The following ALG9 variants were observed in gnomAD, a reference collection of about 807,000 sequenced individuals.
ALG9 encodes the protein ALG9 alpha-1,2-mannosyltransferase.
Under a neutral mutation model 81.8 loss-of-function variants are expected in ALG9, and 55 were observed. The ratio of observed to expected loss-of-function variants is 0.67; its 90% CI spans 0.54 to 0.84. The LOEUF (loss-of-function observed/expected upper bound fraction) is 0.84, where lower values mean the gene tolerates loss of function less well. ALG9 is among the 40% of genes least tolerant of loss of function. The pLI is 0.00. For synonymous variants in ALG9, 278 were observed against 274.3 expected, an observed-to-expected ratio of 1.01 and a Z score of -0.13; for missense variants, 629 against 745.0, an observed-to-expected ratio of 0.84 and a Z score of 1.81.
At chr11:111,870,481 C>T in intron 1 of ALG9, 111 bp from the exon 2 acceptor site, 1 of 1,318,822 alleles carries the variant, frequency 7.6e-7, no homozygotes, top group Non-Finnish European at 1.0e-6. Context: ...GACATCAAAG[C>T]ACTTAAGTTA....
At position 111,840,864 on chromosome 11, in the gene ALG9, T is replaced by C. The variant is rs1341154404; in HGVS notation, c.1019-55A>G. The C allele has an allele frequency of 1.9e-6, 3 of 1,598,140 alleles. No homozygotes were observed. The African/African-American group carries it at 4.0e-5, about 21-fold the overall frequency. On this transcript the variant is annotated intron_variant, in intron 9 of 14. Transcript: ENST00000616540. ...CATTATATTAGAACAAAACAACATA[T>C]TTAGTTTTAGTGTTATCTTGATCTC...
intron 14 of ALG9, among the ~76,000 whole-genome samples, chr11:111,806,245 T>C (rs1462146083): frequency 1.3e-5 from 2 of 152,144 alleles, no homozygotes; most frequent in Non-Finnish European, 2.9e-5. Context: ...CCTATTTCCC[T>C]GCTTCCTTGT....
chr11:111,814,755 G>C (rs1462798663), intron 13 of ALG9: 1 of 152,180 alleles, frequency 6.6e-6, no homozygotes, highest in African/African-American at 2.4e-5. Flanking sequence ...ATTGACGTCA[G>C]ACCCAATTCC....
At chr11:111,816,883 T>A (rs1374464235) in intron 13 of ALG9, among the ~76,000 whole-genome samples, 1 of 152,126 alleles carries the variant, frequency 6.6e-6, no homozygotes, top group Non-Finnish European at 1.5e-5. Flanking sequence ...AAACTTATAA[T>A]TTAGGTAAGG....
rs574442766 is a variant in ALG9, at chr11:111,844,579, T to C, written c.1018+22A>G. On this transcript the variant is annotated intron_variant, in intron 9 of 14. Transcript: ENST00000616540. ...ACTTGCTCTTTCCTCCCAAAACACC[T>C]ACCATCTCTTATGCCACTCACCATG... The C allele has an allele frequency of 6.2e-6, 10 of 1,613,704 alleles. No homozygotes were observed. In the African/African-American group the frequency reaches 1.3e-4, roughly 22 times the overall value.
chr11:111,785,876 G>A lies in ALG9; in HGVS notation c.*521C>T, dbSNP rs984774762. ...GTCTTGCTGGAGGTGAAAAGGACAT[G>A]TGGGTTGGCAACTAGGCTGTGTTCA... On this transcript the variant is annotated 3_prime_UTR_variant, in exon 15 of 15. Coordinates refer to ENST00000616540, the MANE Select transcript of ALG9 (RefSeq NM_024740.2). 8.0e-6 allele frequency: 3 copies of A among 373,058 alleles called. No homozygotes were observed. Among genetic ancestry groups the A allele is most frequent in the African/African-American group, 2.1e-5 (1 of 47,230 alleles). The allele number at this position is 373,058 out of a possible 1,614,324, so 23.1% of individuals were successfully genotyped here.
intron 8 of ALG9, among the ~76,000 whole-genome samples, chr11:111,849,127 T>C (rs1957366069): frequency 1.3e-5 from 2 of 152,206 alleles, no homozygotes; most frequent in South Asian, 4.2e-4. Flanking sequence ...TTCGGCTCAC[T>C]GCAAGCTCTG....
At chr11:111,817,532 G>C (rs1347679955) in intron 13 of ALG9, 2 of 152,078 alleles carry the variant, frequency 1.3e-5, no homozygotes, top group Non-Finnish European at 2.9e-5. Flanking sequence ...ACTCACTGCA[G>C]TCTCGACCTC....
At chr11:111,856,202 G>A (rs782048783) in intron 6 of ALG9, among the ~76,000 whole-genome samples, 12 of 150,456 alleles carry the variant, frequency 8.0e-5, no homozygotes, top group Non-Finnish European at 1.2e-4. Context: ...GCTTGAACCC[G>A]GGAGACAGAG....
intron 6 of ALG9, 54 bp from the exon 7 acceptor site, chr11:111,853,790 T>G: frequency 1.4e-6 from 2 of 1,447,182 alleles, no homozygotes; most frequent in South Asian, 2.3e-5. Flanking sequence ...CAGAGACAAA[T>G]CAGATTCACA....
At chr11:111,836,379 T>A in intron 12 of ALG9, 85 bp from the exon 13 acceptor site, 1 of 1,552,300 alleles carries the variant, frequency 6.4e-7, no homozygotes, top group Non-Finnish European at 8.8e-7. Context: ...AGGAAAATCA[T>A]GTGAAAAACA....
At chr11:111,831,851 T>C (rs1222420871) in intron 13 of ALG9, among the ~76,000 whole-genome samples, 1 of 152,244 alleles carries the variant, frequency 6.6e-6, no homozygotes, top group Non-Finnish European at 1.5e-5. Context: ...TCTGTTCTAA[T>C]ACTAGTTTCA....
chr11:111,792,858 AG>A, intron 14 of ALG9, among the ~76,000 whole-genome samples: 1 of 152,348 alleles, frequency 6.6e-6, no homozygotes, highest in East Asian at 1.9e-4. Flanking sequence ...TGTGATCTTT[AG>A]TAGCATTATC....
At chr11:111,840,534 GT>G (rs1264215887) in intron 10 of ALG9, 120 bp downstream of exon 10, 1 of 1,185,576 alleles carries the variant, frequency 8.4e-7, no homozygotes, top group Non-Finnish European at 1.2e-6. Flanking sequence ...TCTATATCAG[GT>G]TTAATGTTAT....
chr11:111,776,400 G>A, the ALG9 span, among the ~76,000 whole-genome samples: 2 of 152,000 alleles, frequency 1.3e-5, no homozygotes, highest in Non-Finnish European at 2.9e-5. Context: ...GACCAGCCTG[G>A]CCAACATGGT....
the ALG9 span, among the ~76,000 whole-genome samples, chr11:111,771,609 C>G: frequency 6.6e-6 from 1 of 152,192 alleles, no homozygotes; most frequent in Non-Finnish European, 1.5e-5. Context: ...CAGATTCAGA[C>G]TGTTGTCCCC....
intron 11 of ALG9, 83 bp downstream of exon 11, chr11:111,838,166 A>G: frequency 1.9e-6 from 3 of 1,542,834 alleles, no homozygotes; most frequent in South Asian, 1.1e-5. Flanking sequence ...TAAGCCAAAT[A>G]TGTATTATAT....
intron 2 of ALG9, among the ~76,000 whole-genome samples, chr11:111,869,929 A>G (rs1432224969): frequency 1.3e-5 from 2 of 152,060 alleles, no homozygotes; most frequent in African/African-American, 4.8e-5. Flanking sequence ...CTCCTGCCTC[A>G]GCCTCCCGAG....
chr11:111,844,553 T>A (rs782740449), intron 9 of ALG9, 48 bp downstream of exon 9: 1 of 1,612,610 alleles, frequency 6.2e-7, no homozygotes, highest in Non-Finnish European at 8.5e-7. Flanking sequence ...TATACACCAT[T>A]ACTTGCTCTT....
Sources: allele counts gnomAD v4.1 joint callset (sites outside exome capture counted in the v4.1 genomes callset), GRCh38; gene constraint gnomAD v4.1.1; transcripts MANE v1.5; gene names NCBI Gene and HGNC (gene_info 2026-07-23, HGNC 2026-07-21).